Variants in OR7E24 observed in about 807,000 individuals in gnomAD.
OR7E24 encodes olfactory receptor family 7 subfamily E member 24.
For synonymous variants in OR7E24, 130 were observed against 157.5 expected, an observed-to-expected ratio of 0.83 and a Z score of 1.31; for missense variants, 385 against 410.3, an observed-to-expected ratio of 0.94 and a Z score of 0.53.
chr19:9,247,068 CTT>C (rs2066132561), upstream of OR7E24, among the ~76,000 whole-genome samples: 1 of 152,024 alleles, frequency 6.6e-6, no homozygotes, highest in South Asian at 2.1e-4. Context: ...TATGCAATAT[CTT>C]TTATATAATA....
At chr19:9,227,784 C>T in the OR7E24 span, among the ~76,000 whole-genome samples, 3 of 124,464 alleles carry the variant, frequency 2.4e-5, no homozygotes, top group Non-Finnish European at 3.2e-5. Context: ...GACGGAGTCT[C>T]GCTCTGTCGC....
Position 9,251,128 on chromosome 19 carries a change from G to C in OR7E24, c.85G>C (p.Glu29Gln), listed in dbSNP as rs1214516072. 7 of 1,613,572 alleles carry C rather than the reference G, an allele frequency of 4.3e-6. No homozygotes were observed. The highest frequency in any genetic ancestry group is 5.9e-6 in the Non-Finnish European group (7 of 1,179,762). ...GCCACAGAATCTCACAGGTGTCTCAGAATTCCTCCTCCTGGGACTCTCAGA... is the reference window on the plus strand; with the variant it reads ...GCCACAGAATCTCACAGGTGTCTCACAATTCCTCCTCCTGGGACTCTCAGA... ...TEPQNLTGVSEFLLLGLSEDP... is the reference protein window; with the variant it reads ...TEPQNLTGVSQFLLLGLSEDP... Residue 29 changes from glutamate to glutamine, a missense_variant, in exon 1 of 1, where the codon GAA (glutamate) becomes CAA (glutamine). Physicochemically the swap from Glu to Gln is conservative, Grantham distance 29. Transcript: ENST00000456448.
chr19:9,237,766 G>C, the OR7E24 span, among the ~76,000 whole-genome samples: 3 of 152,164 alleles, frequency 2.0e-5, no homozygotes, highest in Non-Finnish European at 4.4e-5. Context: ...AAATAGTGCT[G>C]CCATGAACAT....
Position 9,252,313 on chromosome 19 carries a change from A to G in OR7E24, c.*250A>G, listed in dbSNP as rs1367957321. 1 of 281,820 alleles carries G rather than the reference A, an allele frequency of 3.5e-6. No homozygotes were observed. The highest frequency in any genetic ancestry group is 6.4e-5 in the East Asian group (1 of 15,508). The allele number at this position is 281,820 out of a possible 1,614,324, so 17.5% of individuals were successfully genotyped here. Reference sequence around the variant, plus strand: ...ATGACCTTGATATCCAGGTGCAATCACAATCTTTTCTGATAGACTTGAAAT... The same window carrying G: ...ATGACCTTGATATCCAGGTGCAATCGCAATCTTTTCTGATAGACTTGAAAT... On this transcript the variant is annotated 3_prime_UTR_variant, in exon 1 of 1. Transcript: ENST00000456448.
the OR7E24 span, chr19:9,213,876 C>T: frequency 1.3e-6 from 2 of 1,573,894 alleles, no homozygotes; most frequent in East Asian, 2.2e-5. Context: ...AGTGTGTCCT[C>T]TTAGTTCTGA....
upstream of OR7E24, among the ~76,000 whole-genome samples, chr19:9,250,626 T>C (rs12608694): frequency 0.23 from 35,138 of 152,172 alleles, 4,540 homozygotes; most frequent in East Asian, 0.38. Flanking sequence ...CTAGATCTCA[T>C]TGAGTGTTGA....
At chr19:9,213,839 C>T in the OR7E24 span, 37 of 1,205,156 alleles carry the variant, frequency 3.1e-5, no homozygotes, top group Non-Finnish European at 4.1e-5. Flanking sequence ...GATATTTAAA[C>T]CCACAACATT....
chr19:9,236,621 T>C, the OR7E24 span, among the ~76,000 whole-genome samples: 4 of 151,758 alleles, frequency 2.6e-5, no homozygotes, highest in Non-Finnish European at 5.9e-5. Flanking sequence ...CCTAATATAT[T>C]TCTGCTGAAG....
upstream of OR7E24, chr19:9,247,647 G>T (rs1296239833): frequency 2.5e-6 from 1 of 397,622 alleles, no homozygotes; most frequent in Non-Finnish European, 4.4e-6. Context: ...TATGTTCGGG[G>T]TTTATTTTCA....
At chr19:9,247,251 T>G (rs73500724), upstream of OR7E24, 1,553 of 380,820 alleles carry the variant, frequency 4.1e-3, 18 homozygotes, top group African/African-American at 0.029. Flanking sequence ...CTGGGGAACA[T>G]GGACCAGTTT....
At position 9,251,214 on chromosome 19, in the gene OR7E24, G is replaced by A; in HGVS notation, c.171G>A (p.Val57=). ...GLFLSMYLVT[V]LGNLLIILAV... ...TCCTGTCCATGTACCTGGTCACGGTGCTGGGGAACCTGCTCATCATCCTGG... is the reference window on the plus strand; with the variant it reads ...TCCTGTCCATGTACCTGGTCACGGTACTGGGGAACCTGCTCATCATCCTGG... The change falls in exon 1 of 1, where the codon GTG becomes GTA. Residue 57 remains valine, a synonymous_variant. Coordinates refer to ENST00000456448, the MANE Select transcript of OR7E24 (RefSeq NM_001079935.2). The A allele has an allele frequency of 6.2e-7, 1 of 1,614,046 alleles. No individual in the cohort carries two copies. Among genetic ancestry groups the A allele is most frequent in the Non-Finnish European group, 8.5e-7 (1 of 1,180,002 alleles).
chr19:9,218,693 G>A, the OR7E24 span, among the ~76,000 whole-genome samples: 1 of 152,112 alleles, frequency 6.6e-6, no homozygotes, highest in Non-Finnish European at 1.5e-5. Context: ...GCGGGGTGCA[G>A]TCTCAGCTTA....
In OR7E24 at chr19:9,251,791, G is replaced by C. The variant is rs770107221; in HGVS notation, c.748G>C (p.Asp250His). 1 of 1,612,788 alleles carries C rather than the reference G, an allele frequency of 6.2e-7. No homozygotes were observed. The highest frequency in any genetic ancestry group is 8.5e-7 in the Non-Finnish European group (1 of 1,179,318). ...VSPILRVPTS[D>H]GKYKAFSTCG... ...CCCCATTCTGAGAGTTCCAACATCA[G>C]ATGGGAAGTATAAAGCCTTCTCCAC... Residue 250 changes from aspartate (D) to histidine (H), a missense_variant, in exon 1 of 1, where the codon GAT (aspartate) becomes CAT (histidine). Coordinates refer to ENST00000456448, the MANE Select transcript of OR7E24 (RefSeq NM_001079935.2).
chr19:9,251,970 C>T lies in OR7E24; in HGVS notation c.927C>T (p.Ser309=). The T allele has an allele frequency of 6.2e-7, 1 of 1,614,122 alleles. No individual in the cohort carries two copies. The highest frequency in any genetic ancestry group is 8.5e-7 in the Non-Finnish European group (1 of 1,180,006). Residue 309 remains serine (S), a synonymous_variant, in exon 1 of 1, where the codon AGC becomes AGT. Coordinates refer to ENST00000456448, the MANE Select transcript of OR7E24 (RefSeq NM_001079935.2). ...VTPMLNPFIY[S]LRNKDIQSAL... The stretch of plus-strand genomic sequence containing the variant: ...CCATGCTGAACCCCTTCATCTACAG[C>T]CTGAGGAACAAGGACATTCAAAGTG...
chr19:9,217,417 T>C, the OR7E24 span, among the ~76,000 whole-genome samples: 71 of 152,350 alleles, frequency 4.7e-4, no homozygotes, highest in African/African-American at 1.7e-3. Context: ...CTAGAGAATG[T>C]TGATTAATTA....
the OR7E24 span, among the ~76,000 whole-genome samples, chr19:9,231,630 G>C: frequency 6.6e-6 from 1 of 152,130 alleles, no homozygotes; most frequent in Non-Finnish European, 1.5e-5. Flanking sequence ...CTCATGTCCT[G>C]AGAGTCTCTG....
chr19:9,249,886 C>T (rs950842908), upstream of OR7E24, among the ~76,000 whole-genome samples: 2 of 151,950 alleles, frequency 1.3e-5, no homozygotes, highest in Non-Finnish European at 2.9e-5. Flanking sequence ...ACCCAGGAGG[C>T]GGAGGCTGCA....
chr19:9,227,074 T>C, the OR7E24 span, among the ~76,000 whole-genome samples: 1 of 152,178 alleles, frequency 6.6e-6, no homozygotes, highest in Non-Finnish European at 1.5e-5. Context: ...GGCCTCAGTG[T>C]GTGTAGTTCC....
At chr19:9,214,937 G>A in the OR7E24 span, 10 of 676,480 alleles carry the variant, frequency 1.5e-5, no homozygotes, top group Non-Finnish European at 2.5e-5. Flanking sequence ...ACCTTTTGAT[G>A]GACATTTGTC....
Sources: gnomAD v4.1 joint callset for allele counts (sites outside exome capture counted in the v4.1 genomes callset) on GRCh38, gnomAD v4.1.1 for gene constraint, MANE v1.5 for transcripts, NCBI Gene and HGNC (gene_info 2026-07-23, HGNC 2026-07-21) for gene names.